PLCL1: variants seen among roughly 807,000 people sequenced by gnomAD.
PLCL1 encodes the protein inactive phospholipase C-like protein 1.
PLCL1 carries 41 observed loss-of-function variants against 84.4 expected under a neutral mutation model. The observed-to-expected ratio is 0.49, with a 90% CI of 0.38 to 0.63. The LOEUF (loss-of-function observed/expected upper bound fraction) is 0.63. Among genes scored for constraint, PLCL1 ranks in the 30% least tolerant of loss-of-function variants. The pLI, the probability that PLCL1 is intolerant of heterozygous loss-of-function variation, is 0.00. For missense variants in PLCL1, 1,206 were observed against 1,367.8 expected (o/e 0.88, Z 1.87); for synonymous variants, 490 against 488.3 (o/e 1.00, Z -0.05).
intron 1 of PLCL1, among the ~76,000 whole-genome samples, chr2:198,061,387 A>G (rs545730665): frequency 6.6e-6 from 1 of 152,284 alleles, no homozygotes; most frequent in East Asian, 1.9e-4. Flanking sequence ...CTACCTACAC[A>G]TTATAAAGGG....
intron 1 of PLCL1, among the ~76,000 whole-genome samples, chr2:197,912,540 A>G (rs1253231262): frequency 6.6e-6 from 1 of 151,072 alleles, no homozygotes; most frequent in Non-Finnish European, 1.5e-5. Context: ...ACTTGGAACC[A>G]ACCCAAATGT....
chr2:198,027,375 T>A (rs1222891875), intron 1 of PLCL1, among the ~76,000 whole-genome samples: 1 of 152,156 alleles, frequency 6.6e-6, no homozygotes, highest in East Asian at 1.9e-4. Flanking sequence ...GGGGAGATGC[T>A]GTTCAAAGGG....
chr2:197,938,295 A>G (rs998026539), intron 1 of PLCL1, among the ~76,000 whole-genome samples: 2 of 152,204 alleles, frequency 1.3e-5, no homozygotes, highest in African/African-American at 4.8e-5. Context: ...TAGTATTCCA[A>G]GCCACTGACT....
intron 1 of PLCL1, among the ~76,000 whole-genome samples, chr2:198,054,340 T>C (rs1238521733): frequency 6.6e-6 from 1 of 152,228 alleles, no homozygotes; most frequent in Non-Finnish European, 1.5e-5. Context: ...AACAGACATA[T>C]GCAGAATACT....
At position 198,147,076 on chromosome 2, in the gene PLCL1, T is replaced by G. The variant is rs566396561; in HGVS notation, c.*114T>G. 6 of 726,238 alleles carry G rather than the reference T, an allele frequency of 8.3e-6. No homozygotes were observed. The highest frequency in any genetic ancestry group is 1.1e-5 in the Non-Finnish European group (5 of 452,398). The allele number at this position is 726,238 out of a possible 1,614,324, so 45.0% of individuals were successfully genotyped here. On this transcript the variant is annotated 3_prime_UTR_variant, in exon 6 of 6. Transcript: ENST00000428675. Reference sequence around the variant, plus strand: ...ACAAAATGGTGCCCTATATGGGGTATTGGACATAGATATTTTCACAATGTC... The same window carrying G: ...ACAAAATGGTGCCCTATATGGGGTAGTGGACATAGATATTTTCACAATGTC...
intron 1 of PLCL1, among the ~76,000 whole-genome samples, chr2:198,016,936 C>T (rs1691012717): frequency 6.6e-6 from 1 of 152,130 alleles, no homozygotes. Flanking sequence ...ACAAATTTCT[C>T]AAAGTTAGAG....
chr2:198,001,355 T>C (rs1370927339), intron 1 of PLCL1, among the ~76,000 whole-genome samples: 2 of 152,174 alleles, frequency 1.3e-5, no homozygotes, highest in Non-Finnish European at 2.9e-5. Context: ...CACAGAAAAC[T>C]ACACACAAGA....
intron 1 of PLCL1, among the ~76,000 whole-genome samples, chr2:197,920,716 A>G (rs1688684662): frequency 6.6e-6 from 1 of 152,254 alleles, no homozygotes; most frequent in Non-Finnish European, 1.5e-5. Context: ...ATATATATAG[A>G]ACTAAGGGTG....
chr2:198,104,699 T>C (rs541144005), intron 5 of PLCL1, among the ~76,000 whole-genome samples: 60 of 152,178 alleles, frequency 3.9e-4, no homozygotes, highest in African/African-American at 1.4e-3. Context: ...CTTGCCAGCA[T>C]GTGTTATTTT....
At chr2:197,850,990 G>A (rs890470594) in intron 1 of PLCL1, among the ~76,000 whole-genome samples, 2 of 152,110 alleles carry the variant, frequency 1.3e-5, no homozygotes, top group Non-Finnish European at 2.9e-5. Flanking sequence ...CTTTCCTAAG[G>A]AAGCCTACCT....
chr2:197,805,771 T>C lies in PLCL1; in HGVS notation c.240+432T>C, dbSNP rs1036651573. On this transcript the variant is annotated intron_variant, in intron 1 of 5. Transcript: ENST00000428675. This position sits in a 1 kb window ranked among gnomAD's most constrained non-coding sequence, Gnocchi z 4.0. ...CTCAAGTGTAAAAAAAGAATCCCTC[T>C]AGACTTAAATGATCCCGAAATCCCA... is the stretch of plus-strand genomic sequence containing the variant. Among the ~76,000 whole-genome samples the C allele has an allele frequency of 6.6e-6, 1 of 152,186 alleles. No homozygotes were observed. The highest frequency in any genetic ancestry group is 6.5e-5 in the Admixed American group (1 of 15,282).
intron 5 of PLCL1, among the ~76,000 whole-genome samples, chr2:198,123,134 G>A (rs960534230): frequency 3.9e-5 from 6 of 152,104 alleles, no homozygotes; most frequent in Non-Finnish European, 8.8e-5. Context: ...TCCTGAACTT[G>A]TAAATATATA....
intron 1 of PLCL1, among the ~76,000 whole-genome samples, chr2:197,958,361 T>TA (rs35333689): frequency 0.18 from 26,379 of 149,738 alleles, 2,327 homozygotes; most frequent in East Asian, 0.26. Context: ...GCTTATGAGC[T>TA]AAAAAAAAAG....
At chr2:197,884,521 A>T (rs1213982592) in intron 1 of PLCL1, among the ~76,000 whole-genome samples, 1 of 152,212 alleles carries the variant, frequency 6.6e-6, no homozygotes, top group Non-Finnish European at 1.5e-5. Context: ...CTAAGGAAGA[A>T]GTGGAAAGTG....
At position 197,954,803 on chromosome 2, in the gene PLCL1, C is replaced by T. The variant is rs140640700; in HGVS notation, c.241-128955C>T. On this transcript the variant is annotated intron_variant, in intron 1 of 5. Coordinates refer to ENST00000428675, the MANE Select transcript of PLCL1 (RefSeq NM_006226.4). ...TCTCTACATGGCAGTTAGGAAAGAA[C>T]CTCTGACAGAATCTAGGAACTAACA... is the stretch of plus-strand genomic sequence containing the variant. Among the ~76,000 whole-genome samples, 10 of 152,028 alleles carry T rather than the reference C, an allele frequency of 6.6e-5. No individual in the cohort carries two copies. In the East Asian group the frequency reaches 1.7e-3, roughly 27 times the overall value.
intron 1 of PLCL1, among the ~76,000 whole-genome samples, chr2:198,051,971 G>T (rs911932953): frequency 6.6e-6 from 1 of 151,962 alleles, no homozygotes; most frequent in East Asian, 1.9e-4. Flanking sequence ...GTGCAATGGC[G>T]TGATCTTGGC....
intron 1 of PLCL1, among the ~76,000 whole-genome samples, chr2:198,033,413 A>G (rs1350152111): frequency 2.0e-5 from 3 of 152,196 alleles, no homozygotes; most frequent in African/African-American, 7.2e-5. Context: ...ACTTACTGGC[A>G]TCAAGAGTGC....
At chr2:197,941,836 C>G (rs750329333) in intron 1 of PLCL1, among the ~76,000 whole-genome samples, 5 of 151,958 alleles carry the variant, frequency 3.3e-5, no homozygotes, top group Non-Finnish European at 5.9e-5. Flanking sequence ...TTATTTTATT[C>G]ATATCTTGGG....
At chr2:197,928,242 A>G (rs1688870025) in intron 1 of PLCL1, among the ~76,000 whole-genome samples, 1 of 152,196 alleles carries the variant, frequency 6.6e-6, no homozygotes, top group African/African-American at 2.4e-5. Flanking sequence ...AATTTCTTCC[A>G]ATTTATATAA....
Sources: allele counts gnomAD v4.1 joint callset (sites outside exome capture counted in the v4.1 genomes callset), GRCh38; gene constraint gnomAD v4.1.1; non-coding constraint Gnocchi (gnomAD v3.1); transcripts MANE v1.5; gene names NCBI Gene and HGNC (gene_info 2026-07-23, HGNC 2026-07-21).